Variants in PIGG observed in about 807,000 individuals in gnomAD.
The protein encoded by PIGG is GPI ethanolamine phosphate transferase 2, catalytic subunit.
Under a neutral mutation model 83.2 loss-of-function variants are expected in PIGG, and 70 were observed. The ratio of observed to expected loss-of-function variants is 0.84; its 90% CI spans 0.69 to 1.03. PIGG has a LOEUF of 1.03. Among genes scored for constraint, PIGG ranks in the 50% least tolerant of loss-of-function variants. The pLI is 0.00. For missense variants in PIGG, 1,257 were observed against 1,233.6 expected (o/e 1.02, Z -0.28); for synonymous variants, 532 against 519.5 (o/e 1.02, Z -0.33).
rs373159674 is a variant in PIGG at position 533,978 on chromosome 4, G to T, written c.2732G>T (p.Arg911Leu). The stretch of plus-strand genomic sequence containing the variant: ...GTGCACTTCCTGAGCTCAGAAACAC[G>T]CAGGTGAGGCGCCTCTCTGCCGTCA... Reference protein sequence around the residue: ...HLVHFLSSETRSGSALSHACF... With the variant: ...HLVHFLSSETLSGSALSHACF... Residue 911 changes from arginine (R) to leucine (L), a missense_variant, in exon 12 of 13, where the codon CGC becomes CTC. Transcript: ENST00000453061. 6 of 1,613,774 alleles carry T rather than the reference G, an allele frequency of 3.7e-6. No individual in the cohort carries two copies. The highest frequency in any genetic ancestry group is 4.2e-6 in the Non-Finnish European group (5 of 1,179,786).
intron 1 of PIGG, 156 bp downstream of exon 1, chr4:499,645 G>A: frequency 7.1e-7 from 1 of 1,418,188 alleles, no homozygotes; most frequent in East Asian, 2.6e-5. Context: ...CCGCTCCAGC[G>A]TCTCTTTTCT....
chr4:527,205 C>T lies in PIGG; in HGVS notation c.2236C>T (p.Arg746Trp), dbSNP rs1368574950. ...AAIGSVRFPW[R>W]PDSKDISKGI... ...CATCGGGAGTGTCCGGTTCCCGTGG[C>T]GGCCGGACAGCAAGGACATTTCCAA... is the stretch of plus-strand genomic sequence containing the variant. Residue 746 changes from arginine (R) to tryptophan (W), a missense_variant, in exon 10 of 13, where the codon CGG becomes TGG. By Grantham distance (101) the Arg-to-Trp change is moderately radical. Coordinates refer to ENST00000453061, the MANE Select transcript of PIGG (RefSeq NM_001127178.3). 5.6e-6 allele frequency: 9 copies of T among 1,600,832 alleles called. No homozygotes were observed. Among genetic ancestry groups the T allele is most frequent in the African/African-American group, 2.7e-5 (2 of 74,360 alleles).
At chr4:524,709 T>C (rs1292574548) in intron 9 of PIGG, 2 of 152,094 alleles carry the variant, frequency 1.3e-5, no homozygotes, top group African/African-American at 4.8e-5. Context: ...AGTTTCACTC[T>C]GTCACCCATG....
Position 523,682 on chromosome 4 carries a change from A to G in PIGG, c.1838A>G (p.Gln613Arg). ...CCTCCGTGTGGCCTCTGTGTGGAAC[A>G]AGGGCATGACGGGGCCACAGCAGCG... ...GEPPCGLCVEQGHDGATAAWQ... is the reference protein window; with the variant it reads ...GEPPCGLCVERGHDGATAAWQ... Residue 613 changes from glutamine (Q) to arginine (R), a missense_variant, in exon 9 of 13, where the codon CAA (glutamine) becomes CGA (arginine). Coordinates refer to ENST00000453061, the MANE Select transcript of PIGG (RefSeq NM_001127178.3). 1.2e-6 allele frequency: 2 copies of G among 1,614,218 alleles called. No homozygotes were observed. The highest frequency in any genetic ancestry group is 1.7e-6 in the Non-Finnish European group (2 of 1,180,034).
intron 4 of PIGG, 43 bp downstream of exon 4, chr4:507,636 G>C: frequency 6.6e-7 from 1 of 1,515,594 alleles, no homozygotes; most frequent in Non-Finnish European, 9.0e-7. Context: ...GTGGTTTCAC[G>C]TGGATGTTCC....
chr4:530,661 A>C lies in PIGG; in HGVS notation c.2487A>C (p.Lys829Asn). 6.2e-7 allele frequency: 1 copy of C among 1,613,800 alleles called. No homozygotes were observed. Among genetic ancestry groups the C allele is most frequent in the Non-Finnish European group, 8.5e-7 (1 of 1,179,696 alleles). The part of the protein sequence containing the change: ...FSLLIQTLMT[K>N]FIWKPLRHDA... ...TCTTGATTCAGACTCTAATGACTAAATTCATCTGGAAGCCCCTGAGACACG... is the reference window on the plus strand; with the variant it reads ...TCTTGATTCAGACTCTAATGACTAACTTCATCTGGAAGCCCCTGAGACACG... Residue 829 changes from lysine to asparagine, a missense_variant, in exon 11 of 13, where the codon AAA becomes AAC. Coordinates refer to ENST00000453061, the MANE Select transcript of PIGG (RefSeq NM_001127178.3).
Position 539,200 on chromosome 4 carries a change from C to T in PIGG, c.2783C>T (p.Ser928Phe). The change falls in exon 13 of 13, where the codon TCT becomes TTT. Residue 928 changes from serine to phenylalanine, a missense_variant. Transcript: ENST00000453061. ...HACFCYALIC[S>F]IPVFTYIVLV... ...TGCTTCTGCTACGCACTGATTTGTT[C>T]TATTCCAGTTTTCACGTACATCGTT... is the stretch of plus-strand genomic sequence containing the variant. 1 of 1,613,560 alleles carries T rather than the reference C, an allele frequency of 6.2e-7. No individual in the cohort carries two copies. Among genetic ancestry groups the T allele is most frequent in the Non-Finnish European group, 8.5e-7 (1 of 1,179,490 alleles).
chr4:527,057 G>A lies in PIGG; in HGVS notation c.2088G>A (p.Glu696=), dbSNP rs1203666288. 7 of 1,614,014 alleles carry A rather than the reference G, an allele frequency of 4.3e-6. No individual in the cohort carries two copies. The highest frequency in any genetic ancestry group is 5.9e-6 in the Non-Finnish European group (7 of 1,180,034). Reference sequence around the variant, plus strand: ...ATTTCAGCTCTGACCACAAAGCCGAGCTCTCTGTCCTGGCTGCCCTCTCCC... The same window carrying A: ...ATTTCAGCTCTGACCACAAAGCCGAACTCTCTGTCCTGGCTGCCCTCTCCC... ...HWLTSSDHKA[E]LSVLAALSLL... The change falls in exon 10 of 13, where the codon GAG becomes GAA. Residue 696 remains glutamate (E), a synonymous_variant. Coordinates refer to ENST00000453061, the MANE Select transcript of PIGG (RefSeq NM_001127178.3).
At chr4:506,249 C>G (rs1204563164) in intron 3 of PIGG, among the ~76,000 whole-genome samples, 2 of 152,112 alleles carry the variant, frequency 1.3e-5, no homozygotes, top group East Asian at 1.9e-4. Context: ...AGTGGGGACT[C>G]CCCAGGTGGG....
At position 523,594 on chromosome 4, in the gene PIGG, AC is replaced by A. The variant is rs759427624; in HGVS notation, c.1753del (p.Leu585CysfsTer3). The A allele has an allele frequency of 1.9e-6, 3 of 1,613,944 alleles. No individual in the cohort carries two copies. The highest frequency in any genetic ancestry group is 1.3e-5 in the African/African-American group (1 of 74,880). On this transcript the variant is annotated frameshift_variant, in exon 9 of 13. Transcript: ENST00000453061. LOFTEE classifies it high-confidence loss of function. ...CCAGACCTGGTACTTCCTTGTGAAC[AC>A]CCTGTGTCTAGCTCTGAGCCAAGAA... Reference protein sequence around the residue: ...EHQTWYFLVNTLCLALSQETY... With the variant: ...EHQTWYFLVNXLCLALSQETY...
At chr4:514,159 T>TA (rs1723113727) in intron 5 of PIGG, among the ~76,000 whole-genome samples, 1 of 152,176 alleles carries the variant, frequency 6.6e-6, no homozygotes, top group Non-Finnish European at 1.5e-5. Context: ...ACTGGCCAAT[T>TA]ACAGCCAATC....
chr4:533,794 G>C (rs151060075), intron 11 of PIGG, 24 bp from the exon 12 acceptor site: 1 of 1,612,212 alleles, frequency 6.2e-7, no homozygotes, highest in Non-Finnish European at 8.5e-7. Flanking sequence ...TGAGGCCTTT[G>C]TCAGCTCTTC....
Position 508,827 on chromosome 4 carries a change from A to G in PIGG, c.760-2A>G, listed in dbSNP as rs1273281741. The G allele has an allele frequency of 2.5e-6, 4 of 1,613,674 alleles. No homozygotes were observed. Among genetic ancestry groups the G allele is most frequent in the Non-Finnish European group, 3.4e-6 (4 of 1,179,824 alleles). ...TTGAAATGTTTTTCCTTTGCCTTAA[A>G]GGAGAGAGAGACGCCTTTACCCAAT... On this transcript the variant is annotated splice_acceptor_variant, in intron 4 of 12. Coordinates refer to ENST00000453061, the MANE Select transcript of PIGG (RefSeq NM_001127178.3). LOFTEE classifies it high-confidence loss of function.
At chr4:517,516 A>G (rs1454303656) in intron 6 of PIGG, among the ~76,000 whole-genome samples, 2 of 152,170 alleles carry the variant, frequency 1.3e-5, no homozygotes, top group Non-Finnish European at 2.9e-5. Context: ...GTTGGTGTCC[A>G]GGAAGCCATG....
chr4:527,716 G>T, intron 10 of PIGG: 1 of 985,402 alleles, frequency 1.0e-6, no homozygotes, highest in South Asian at 4.7e-5. Flanking sequence ...GCCCCCGTAA[G>T]GGGCCAGGAG....
At chr4:522,205 C>G (rs1186108105) in intron 8 of PIGG, 3 of 599,284 alleles carry the variant, frequency 5.0e-6, no homozygotes, top group Non-Finnish European at 8.9e-6. Context: ...GCGACTGTTA[C>G]CAAGGTGATT....
chr4:536,649 G>C (rs755621186), intron 12 of PIGG: 1 of 152,258 alleles, frequency 6.6e-6, no homozygotes, highest in Admixed American at 6.5e-5. Context: ...GGCCAGCCGC[G>C]TGCTCACACT....
intron 3 of PIGG, among the ~76,000 whole-genome samples, chr4:506,479 T>C (rs1320311649): frequency 6.6e-6 from 1 of 152,210 alleles, no homozygotes; most frequent in Non-Finnish European, 1.5e-5. Context: ...CACACCTGCC[T>C]GGCCTGGGGT....
intron 6 of PIGG, among the ~76,000 whole-genome samples, chr4:518,533 C>T (rs1229737072): frequency 6.6e-6 from 1 of 152,194 alleles, no homozygotes; most frequent in Non-Finnish European, 1.5e-5. Context: ...GCGGAGCTTG[C>T]AGTGAGCCGA....
Sources: gnomAD v4.1 joint callset for allele counts (sites outside exome capture counted in the v4.1 genomes callset) on GRCh38, gnomAD v4.1.1 for gene constraint, MANE v1.5 for transcripts, NCBI Gene and HGNC (gene_info 2026-07-23, HGNC 2026-07-21) for gene names.